Variants in LTBP1 observed in about 807,000 individuals in gnomAD.
The protein encoded by LTBP1 is latent-transforming growth factor beta-binding protein 1.
In LTBP1, 129 loss-of-function variants were observed where a neutral mutation model predicts 207.6. The ratio of observed to expected loss-of-function variants is 0.62; its 90% CI spans 0.54 to 0.72. The LOEUF (loss-of-function observed/expected upper bound fraction) is 0.72, where lower values mean the gene tolerates loss of function less well. LTBP1 is among the 30% of genes least tolerant of loss of function. LTBP1 has a pLI of 0.00. For missense variants in LTBP1, 2,281 were observed against 2,217.2 expected (o/e 1.03, Z -0.58); for synonymous variants, 963 against 833.7 (o/e 1.16, Z -2.67).
intron 18 of LTBP1, among the ~76,000 whole-genome samples, chr2:33,276,843 C>T (rs1344923329): frequency 6.6e-6 from 1 of 152,168 alleles, no homozygotes; most frequent in African/African-American, 2.4e-5. Context: ...AGAGAAAAAC[C>T]TTGTCTCCAA....
intron 3 of LTBP1, among the ~76,000 whole-genome samples, chr2:33,023,446 A>G (rs1420979457): frequency 6.6e-6 from 1 of 152,170 alleles, no homozygotes; most frequent in East Asian, 1.9e-4. Flanking sequence ...GAGGAGGCTA[A>G]GGTTTCAGCT....
chr2:33,148,554 A>T (rs1200045933), intron 5 of LTBP1, among the ~76,000 whole-genome samples: 1 of 152,184 alleles, frequency 6.6e-6, no homozygotes, highest in East Asian at 1.9e-4. Context: ...AAACCTCATT[A>T]CATTTCCTTC....
chr2:33,215,666 C>T (rs2090616739), intron 7 of LTBP1, among the ~76,000 whole-genome samples: 1 of 151,666 alleles, frequency 6.6e-6, no homozygotes. Context: ...TCACCACACT[C>T]TGCTCACTAG....
chr2:33,230,625 A>C (rs1440202017), intron 9 of LTBP1, among the ~76,000 whole-genome samples: 1 of 152,178 alleles, frequency 6.6e-6, no homozygotes, highest in Admixed American at 6.5e-5. Context: ...TCCTACGTCC[A>C]TGCTGCTTTT....
chr2:33,286,598 A>G (rs1450860333), intron 19 of LTBP1, among the ~76,000 whole-genome samples: 2 of 152,248 alleles, frequency 1.3e-5, no homozygotes, highest in Admixed American at 1.3e-4. Context: ...GGATGCTTCT[A>G]ATCAATCACT....
intron 5 of LTBP1, among the ~76,000 whole-genome samples, chr2:33,170,611 C>G (rs1231140319): frequency 6.6e-6 from 1 of 152,234 alleles, no homozygotes; most frequent in Non-Finnish European, 1.5e-5. Context: ...CAGCAGTAAC[C>G]TCTGCAGACT....
intron 31 of LTBP1, among the ~76,000 whole-genome samples, chr2:33,380,934 A>C (rs569929157): frequency 6.6e-6 from 1 of 152,316 alleles, no homozygotes; most frequent in East Asian, 1.9e-4. Flanking sequence ...TAAAAAAAAA[A>C]TTTCAGCTTG....
rs1338039737 is a variant in LTBP1, at chr2:33,262,818, C to T, written c.2515C>T (p.Pro839Ser). ...ISTIHLHPQFPVVIEKTSPPV... is the reference protein window; with the variant it reads ...ISTIHLHPQFSVVIEKTSPPV... Reference sequence around the variant, plus strand: ...CACTATTCATCTGCATCCACAGTTTCCAGGTAGCCTGTGTTGATCTGTGCT... The same window carrying T: ...CACTATTCATCTGCATCCACAGTTTTCAGGTAGCCTGTGTTGATCTGTGCT... Residue 839 changes from proline to serine, a missense_variant, in exon 14 of 34, where the codon CCA (proline) becomes TCA (serine). By Grantham distance (74) the Pro-to-Ser change is moderately conservative. Around this residue, in one of 3 missense-constraint regions of LTBP1, gnomAD observed 1,671 missense variants for 1,634.8 expected, o/e 1.02. Transcript: ENST00000404816. The T allele has an allele frequency of 6.2e-7, 1 of 1,603,828 alleles. No homozygotes were observed. The highest frequency in any genetic ancestry group is 1.3e-5 in the African/African-American group (1 of 74,600).
intron 18 of LTBP1, among the ~76,000 whole-genome samples, chr2:33,276,685 T>G (rs1419520969): frequency 6.6e-6 from 1 of 152,136 alleles, no homozygotes; most frequent in African/African-American, 2.4e-5. Flanking sequence ...ACTCCCTCTC[T>G]CCTAAAAATA....
intron 10 of LTBP1, among the ~76,000 whole-genome samples, chr2:33,247,184 A>G (rs1221147020): frequency 1.3e-5 from 2 of 152,232 alleles, no homozygotes; most frequent in African/African-American, 2.4e-5. Context: ...ATGGAGGGTT[A>G]GAGAGAAGAT....
chr2:33,240,350 G>A (rs1316174493), intron 9 of LTBP1, among the ~76,000 whole-genome samples: 1 of 152,128 alleles, frequency 6.6e-6, no homozygotes, highest in East Asian at 1.9e-4. Context: ...TTAAACTTTG[G>A]CCTGATGATG....
At chr2:33,327,845 A>G (rs182576372) in intron 24 of LTBP1, among the ~76,000 whole-genome samples, 16 of 152,184 alleles carry the variant, frequency 1.1e-4, no homozygotes, top group Non-Finnish European at 2.4e-4. Flanking sequence ...GGTGTTTAAA[A>G]TGCATGTAGA....
intron 9 of LTBP1, among the ~76,000 whole-genome samples, chr2:33,241,344 T>C (rs555909344): frequency 2.6e-5 from 4 of 152,238 alleles, no homozygotes; most frequent in African/African-American, 4.8e-5. Context: ...ATAGGTTTGC[T>C]TGGTCATTTT....
rs1209201818 is a variant in LTBP1 at position 33,105,550 on chromosome 2, C to A, written c.864-5032C>A. Among the ~76,000 whole-genome samples, 6 of 151,840 alleles carry A rather than the reference C, an allele frequency of 4.0e-5. No individual in the cohort carries two copies. In the East Asian group the frequency reaches 1.2e-3, roughly 29 times the overall value. ...CTCCTGGGTTGAAGTGATTCTCGTG[C>A]CTCAAGCTCCCAAGTAGCTGGGGTT... is the stretch of plus-strand genomic sequence containing the variant. On this transcript the variant is annotated intron_variant, in intron 3 of 33. Coordinates refer to ENST00000404816, the MANE Select transcript of LTBP1 (RefSeq NM_206943.4).
chr2:33,286,931 T>C (rs2093677168), intron 19 of LTBP1, among the ~76,000 whole-genome samples: 1 of 151,798 alleles, frequency 6.6e-6, no homozygotes, highest in Admixed American at 6.6e-5. Context: ...GGACCTGTTG[T>C]GGGGTGAGGG....
At chr2:33,079,451 G>A (rs1454415322) in intron 3 of LTBP1, among the ~76,000 whole-genome samples, 1 of 152,128 alleles carries the variant, frequency 6.6e-6, no homozygotes, top group East Asian at 1.9e-4. Flanking sequence ...TAAAGAGCTA[G>A]GCAATTTGGA....
intron 2 of LTBP1, among the ~76,000 whole-genome samples, chr2:32,965,702 C>G (rs1679895475): frequency 6.6e-6 from 1 of 152,122 alleles, no homozygotes; most frequent in African/African-American, 2.4e-5. Context: ...TCTGGATGTA[C>G]CATAGTTTAT....
intron 3 of LTBP1, among the ~76,000 whole-genome samples, chr2:33,035,508 A>G (rs943116972): frequency 6.6e-6 from 1 of 152,252 alleles, no homozygotes; most frequent in South Asian, 2.1e-4. Flanking sequence ...TGAGGTGGAC[A>G]CCAAATTATT....
intron 29 of LTBP1, 145 bp downstream of exon 29, chr2:33,363,663 G>T: frequency 1.1e-6 from 1 of 895,412 alleles, no homozygotes; most frequent in South Asian, 2.8e-5. Context: ...TTTTTCTTAA[G>T]CACAATTGAA....
Sources: gnomAD v4.1 joint callset for allele counts (sites outside exome capture counted in the v4.1 genomes callset) on GRCh38, gnomAD v4.1.1 for gene constraint, gnomAD v4.1.1 regional missense constraint, MANE v1.5 for transcripts, NCBI Gene and HGNC (gene_info 2026-07-23, HGNC 2026-07-21) for gene names.